The following CROCC variants were observed in gnomAD, a reference collection of about 807,000 sequenced individuals.
CROCC encodes the protein ciliary rootlet coiled-coil, rootletin, also known as rootletin.
A neutral mutation model predicts 245.2 loss-of-function variants in CROCC; 180 were observed. The ratio of observed to expected loss-of-function variants is 0.73; its 90% confidence interval spans 0.65 to 0.83. CROCC has a LOEUF of 0.83. Among genes scored for constraint, CROCC ranks in the 40% least tolerant of loss-of-function variants. CROCC has a pLI of 0.00. For synonymous variants in CROCC, 1,205 were observed against 1,241.6 expected, an observed-to-expected ratio of 0.97 and a Z score of 0.62; for missense variants, 2,688 against 2,779.4, an observed-to-expected ratio of 0.97 and a Z score of 0.74.
chr1:16,955,487 C>T lies in CROCC; in HGVS notation c.3641C>T (p.Ala1214Val). The change falls in exon 24 of 37, where the codon GCC (alanine) becomes GTC (valine). Residue 1214 changes from alanine to valine, a missense_variant. By Grantham distance (64) the Ala-to-Val change is moderately conservative (BLOSUM62 0). Transcript: ENST00000375541. ...SLGEGAKERE[A>V]LRRSNEELRS... ...GGCGAGGGTGCCAAGGAGCGCGAGG[C>T]CCTGCGGCGTTCCAATGAGGAGCTT... 1.9e-6 allele frequency: 3 copies of T among 1,580,460 alleles called. No homozygotes were observed. The highest frequency in any genetic ancestry group is 1.7e-4 in the Middle Eastern group (1 of 5,974).
At chr1:16,950,816 C>T in intron 19 of CROCC, 137 bp from the exon 20 acceptor site, 1 of 672,220 alleles carries the variant, frequency 1.5e-6, no homozygotes, top group East Asian at 3.2e-5. Flanking sequence ...CAAGCCACTT[C>T]AAGAGGACCC....
At chr1:16,963,422 G>A (rs1230346170) in intron 27 of CROCC, among the ~76,000 whole-genome samples, 1 of 152,060 alleles carries the variant, frequency 6.6e-6, no homozygotes, top group African/African-American at 2.4e-5. Flanking sequence ...GGGACGAAGG[G>A]CTTGCTCCAA....
At chr1:16,964,808 G>A (rs536612899) in intron 27 of CROCC, among the ~76,000 whole-genome samples, 78 of 152,284 alleles carry the variant, frequency 5.1e-4, no homozygotes, top group Middle Eastern at 3.4e-3. Context: ...TCAGCTTCTC[G>A]AATAGCTGGG....
At position 16,969,346 on chromosome 1, in the gene CROCC, G is replaced by A. The variant is rs201754518; in HGVS notation, c.5301+6G>A. 267 of 1,607,154 alleles carry A rather than the reference G, an allele frequency of 1.7e-4. No individual in the cohort carries two copies. Among genetic ancestry groups the A allele is most frequent in the Middle Eastern group, 8.9e-4 (4 of 4,476 alleles). On this transcript the variant is annotated splice_donor_region_variant and intron_variant, in intron 32 of 36. Coordinates refer to ENST00000375541, the MANE Select transcript of CROCC (RefSeq NM_014675.5). ...ATGACCGCCAAGTACTCCAGGTCTC[G>A]GGCCCAGGGTCTGGCTGGGGTGGGC...
chr1:16,971,594 CT>C lies in CROCC; in HGVS notation c.5915del (p.Leu1972ArgfsTer22). On this transcript the variant is annotated frameshift_variant, in exon 36 of 37. Coordinates refer to ENST00000375541, the MANE Select transcript of CROCC (RefSeq NM_014675.5). LOFTEE classifies it high-confidence loss of function. ...RSAQAQTERT[L>X]EARERAHRQR... Reference sequence around the variant, plus strand: ...CGCCCAGGCGCAGACTGAGCGCACCCTGGAGGCTCGGGAGCGGGCCCACCGC... The same window carrying C: ...CGCCCAGGCGCAGACTGAGCGCACCCGGAGGCTCGGGAGCGGGCCCACCGC... The C allele has an allele frequency of 6.6e-7, 1 of 1,526,080 alleles. No homozygotes were observed. The allele number at this position is 1,526,080 out of a possible 1,614,324, so 94.5% of individuals were successfully genotyped here. A position where few individuals can be genotyped will look rare whatever the true frequency, so the allele number is the denominator to read the frequency against.
At chr1:16,963,499 C>T (rs1415201249) in intron 27 of CROCC, among the ~76,000 whole-genome samples, 1 of 152,284 alleles carries the variant, frequency 6.6e-6, no homozygotes, top group African/African-American at 2.4e-5. Flanking sequence ...GCTGGAGGCC[C>T]CCAGGGGCAG....
In CROCC at chr1:16,966,968, T is replaced by TC. The variant is rs2076428337; in HGVS notation, c.4860+398dup. Reference sequence around the variant, plus strand: ...TACTCGGGAGGCTGAGGTGGGAAGATCACTGGAGCCCGGTAGGTCGAGGCT... The same window carrying TC: ...TACTCGGGAGGCTGAGGTGGGAAGATCCACTGGAGCCCGGTAGGTCGAGGCT... On this transcript the variant is annotated intron_variant, in intron 30 of 36. Coordinates refer to ENST00000375541, the MANE Select transcript of CROCC (RefSeq NM_014675.5). The surrounding 1 kb of genome is among the most constrained non-coding windows in gnomAD (Gnocchi z 4.8). Among the ~76,000 whole-genome samples, 1 of 151,472 alleles carries TC rather than the reference T, an allele frequency of 6.6e-6. No individual in the cohort carries two copies. Among genetic ancestry groups the TC allele is most frequent in the African/African-American group, 2.4e-5 (1 of 41,160 alleles).
intron 35 of CROCC, 23 bp from the exon 36 acceptor site, chr1:16,971,442 C>G: frequency 1.3e-6 from 2 of 1,523,754 alleles, no homozygotes; most frequent in East Asian, 4.9e-5. Context: ...GGCCAGAACG[C>G]GGACCACAGC....
At chr1:16,962,009 CA>C (rs2076341377) in intron 27 of CROCC, among the ~76,000 whole-genome samples, 1 of 152,116 alleles carries the variant, frequency 6.6e-6, no homozygotes, top group African/African-American at 2.4e-5. Context: ...CTTAGGATAC[CA>C]AATACAGCTA....
At chr1:16,943,827 G>C (rs1221147567) in intron 13 of CROCC, among the ~76,000 whole-genome samples, 1 of 152,274 alleles carries the variant, frequency 6.6e-6, no homozygotes, top group Non-Finnish European at 1.5e-5. Flanking sequence ...AGCCTAGCTC[G>C]GCCTCTTCTA....
At position 16,944,129 on chromosome 1, in the gene CROCC, AG is replaced by A. The variant is rs2075993276; in HGVS notation, c.1840del (p.Val614TrpfsTer55). ...REKSNLAHSL[Q>X]VAQQQAEELR... is the part of the protein sequence containing the mutation. Reference sequence around the variant, plus strand: ...AAGAGCAACCTGGCCCACAGCCTGCAGGTGGCCCAGCAGCAGGCCGAGGAGC... The same window carrying A: ...AAGAGCAACCTGGCCCACAGCCTGCAGTGGCCCAGCAGCAGGCCGAGGAGC... On this transcript the variant is annotated frameshift_variant, in exon 14 of 37. Transcript: ENST00000375541. LOFTEE classifies it high-confidence loss of function. The A allele has an allele frequency of 6.4e-7, 1 of 1,559,272 alleles. No homozygotes were observed. The highest frequency in any genetic ancestry group is 1.3e-5 in the African/African-American group (1 of 74,158).
Position 16,969,908 on chromosome 1 carries a change from G to C in CROCC, c.5425G>C (p.Glu1809Gln). The change falls in exon 33 of 37, where the codon GAG (glutamate) becomes CAG (glutamine). Residue 1809 changes from glutamate to glutamine, a missense_variant. Glu to Gln is a conservative substitution (Grantham distance 29, BLOSUM62 2). This residue lies in a region of CROCC where 1,218 missense variants were observed against 1,286.3 expected (regional missense o/e 0.95). Transcript: ENST00000375541. ...CCTGGAACTGCAGCGGGTGGAGGCC[G>C]AGGGCCAGCTACAACAGCTACGGGA... ...ADLELQRVEAEGQLQQLREVL... is the reference protein window; with the variant it reads ...ADLELQRVEAQGQLQQLREVL... 6.2e-7 allele frequency: 1 copy of C among 1,605,360 alleles called. No homozygotes were observed. The highest frequency in any genetic ancestry group is 8.5e-7 in the Non-Finnish European group (1 of 1,175,522).
At chr1:16,952,966 T>C (rs1341662421) in intron 20 of CROCC, 4 of 245,816 alleles carry the variant, frequency 1.6e-5, no homozygotes, top group East Asian at 8.4e-5. Context: ...TGACTCACCA[T>C]GTCCCGTTCC....
intron 32 of CROCC, 42 bp downstream of exon 32, chr1:16,969,382 A>G (rs1480493619): frequency 1.9e-6 from 3 of 1,564,212 alleles, no homozygotes; most frequent in Non-Finnish European, 2.6e-6. Flanking sequence ...CCAGTGAGAG[A>G]GTCAGCCAGT....
chr1:16,961,356 A>T (rs2076330789), intron 27 of CROCC, among the ~76,000 whole-genome samples: 1 of 150,408 alleles, frequency 6.6e-6, no homozygotes, highest in Admixed American at 6.7e-5. Flanking sequence ...ACCAGGCCTC[A>T]TCTGTTTCCC....
intron 27 of CROCC, among the ~76,000 whole-genome samples, chr1:16,963,988 G>A (rs1367855129): frequency 6.6e-6 from 1 of 151,854 alleles, no homozygotes; most frequent in East Asian, 1.9e-4. Context: ...GTAGAGATGG[G>A]GGTTTCACCA....
rs1423731090 is a variant in CROCC at position 16,924,460 on chromosome 1, A to G, written c.332A>G (p.Tyr111Cys). ...GAGCGCGATGAGCTCGCCATTAAGT[A>G]CAATGCGGTCAGCGAGAGGGTGGGT... ...RAERDELAIK[Y>C]NAVSERLEQA... is the part of the protein sequence containing the mutation. The change falls in exon 3 of 37, where the codon TAC becomes TGC. Residue 111 changes from tyrosine to cysteine, a missense_variant. Around this residue, in one of 9 missense-constraint regions of CROCC, gnomAD observed 972 missense variants for 895.3 expected, o/e 1.09. Transcript: ENST00000375541. 3.1e-6 allele frequency: 5 copies of G among 1,612,516 alleles called. No homozygotes were observed. The highest frequency in any genetic ancestry group is 4.2e-6 in the Non-Finnish European group (5 of 1,179,122).
Position 16,970,346 on chromosome 1 carries a change from A to G in CROCC, c.5545A>G (p.Ser1849Gly). The G allele has an allele frequency of 6.3e-7, 1 of 1,592,724 alleles. No individual in the cohort carries two copies. Among genetic ancestry groups the G allele is most frequent in the Non-Finnish European group, 8.5e-7 (1 of 1,170,690 alleles). ...GCGGCTGCTGCAGGAGCGCCTGGGA[A>G]GCCTGCAGCGCGCCCTGGCTCAGCT... ...ERRLLQERLG[S>G]LQRALAQLEA... The change falls in exon 34 of 37, where the codon AGC becomes GGC. Residue 1849 changes from serine to glycine, a missense_variant. Physicochemically the swap from Ser to Gly is moderately conservative, Grantham distance 56 (BLOSUM62 0). Transcript: ENST00000375541.
intron 36 of CROCC, among the ~76,000 whole-genome samples, chr1:16,971,865 C>T (rs1309854740): frequency 1.3e-5 from 2 of 152,234 alleles, no homozygotes. Flanking sequence ...CCCCCTGGCT[C>T]CATGCTCAGG....
Sources: allele counts gnomAD v4.1 joint callset (sites outside exome capture counted in the v4.1 genomes callset), GRCh38; gene constraint gnomAD v4.1.1; regional missense constraint gnomAD v4.1.1; non-coding constraint Gnocchi (gnomAD v3.1); transcripts MANE v1.5; gene names NCBI Gene and HGNC (gene_info 2026-07-23, HGNC 2026-07-21).